GGT7: variants seen among roughly 807,000 people sequenced by gnomAD.
GGT7 encodes the protein glutathione hydrolase 7.
In GGT7, 30 loss-of-function variants were observed where a neutral mutation model predicts 69.2. The observed-to-expected ratio is 0.43, with a 90% confidence interval of 0.32 to 0.59. GGT7 has a LOEUF of 0.59. GGT7 is among the 20% of genes least tolerant of loss of function. The pLI, the probability that GGT7 is intolerant of heterozygous loss-of-function variation, is 0.05. For missense variants in GGT7, 733 were observed against 901.1 expected (o/e 0.81, Z 2.39); for synonymous variants, 388 against 391.8 (o/e 0.99, Z 0.12).
Position 34,863,274 on chromosome 20 carries a change from C to T in GGT7, c.405+39G>A. 1 of 1,417,328 alleles carries T rather than the reference C, an allele frequency of 7.1e-7. No individual in the cohort carries two copies. 87.8% of individuals were successfully genotyped at this position (1,417,328 alleles called of 1,614,324 possible). ...TCCTCAAACATTACCCCACTCCCCA[C>T]TCCCCAGTTTCCTCCCCCTCCCCAT... is the stretch of plus-strand genomic sequence containing the variant. On this transcript the variant is annotated intron_variant, in intron 2 of 14. Transcript: ENST00000336431. This position sits in a 1 kb window ranked among gnomAD's most constrained non-coding sequence, Gnocchi z 4.4.
intron 1 of GGT7, among the ~76,000 whole-genome samples, chr20:34,869,622 T>C (rs975312634): frequency 2.0e-5 from 3 of 152,054 alleles, no homozygotes; most frequent in Non-Finnish European, 2.9e-5. Context: ...TAGTCTACAG[T>C]GGTGATGACA....
At chr20:34,856,670 A>C (rs2079496942) in intron 8 of GGT7, 136 bp downstream of exon 8, 1 of 646,582 alleles carries the variant, frequency 1.5e-6, no homozygotes. Flanking sequence ...TTGCTTCAAC[A>C]GTTGACTGCC....
Position 34,845,441 on chromosome 20 carries a change from C to T in GGT7, c.1876G>A (p.Val626Met), listed in dbSNP as rs200923392. The T allele has an allele frequency of 1.2e-5, 19 of 1,614,110 alleles. No individual in the cohort carries two copies. Among genetic ancestry groups the T allele is most frequent in the African/African-American group, 6.7e-5 (5 of 75,030 alleles). Reference sequence around the variant, plus strand: ...CAGGATAAGACATCTACTTTCTCCACGTGGTGACCCCTGGCTTCCAGGAAC... The same window carrying T: ...CAGGATAAGACATCTACTTTCTCCATGTGGTGACCCCTGGCTTCCAGGAAC... ...IEFLEARGHH[V>M]EKVDVLSWVH... Residue 626 changes from valine (V) to methionine (M), a missense_variant, in exon 15 of 15, where the codon GTG becomes ATG. Transcript: ENST00000336431.
At chr20:34,866,113 T>A (rs2079686139) in intron 1 of GGT7, among the ~76,000 whole-genome samples, 1 of 152,190 alleles carries the variant, frequency 6.6e-6, no homozygotes, top group African/African-American at 2.4e-5. Context: ...CACAGTCCCA[T>A]CTTTTGTGTA....
At chr20:34,854,967 C>G in intron 8 of GGT7, 44 bp from the exon 9 acceptor site, 1 of 1,599,532 alleles carries the variant, frequency 6.3e-7, no homozygotes, top group Non-Finnish European at 8.5e-7. Context: ...GGGGTCAAGG[C>G]ACCTTCACAT....
chr20:34,865,846 T>G (rs922636999), intron 1 of GGT7, among the ~76,000 whole-genome samples: 3 of 152,246 alleles, frequency 2.0e-5, no homozygotes, highest in Non-Finnish European at 4.4e-5. Flanking sequence ...CTAAAGGTCC[T>G]AGGTGTTTGT....
At chr20:34,846,295 C>CCTTT (rs1555872709) in intron 14 of GGT7, among the ~76,000 whole-genome samples, 10 of 96,258 alleles carry the variant, frequency 1.0e-4, no homozygotes, top group African/African-American at 1.8e-4. Flanking sequence ...TCCCTCCCTT[C>CCTTT]CTTTCTTTCT....
At chr20:34,859,089 G>C (rs1349341296) in intron 7 of GGT7, among the ~76,000 whole-genome samples, 1 of 151,800 alleles carries the variant, frequency 6.6e-6, no homozygotes, top group African/African-American at 2.4e-5. Flanking sequence ...AGACTCACTT[G>C]AACCTGGGAG....
chr20:34,854,173 G>A (rs2079447155), intron 10 of GGT7, among the ~76,000 whole-genome samples: 2 of 152,178 alleles, frequency 1.3e-5, no homozygotes, highest in South Asian at 4.1e-4. Context: ...TTGACCTCAG[G>A]TGATCCACCC....
intron 13 of GGT7, chr20:34,851,005 T>A: frequency 3.0e-6 from 2 of 675,098 alleles, no homozygotes; most frequent in Middle Eastern, 6.2e-4. Flanking sequence ...GACCCTGCCA[T>A]TTCCCCTGCA....
intron 14 of GGT7, among the ~76,000 whole-genome samples, chr20:34,847,429 C>T (rs900128487): frequency 6.6e-6 from 1 of 152,210 alleles, no homozygotes; most frequent in African/African-American, 2.4e-5. Context: ...AACTCCACAT[C>T]CTACCGCTTC....
chr20:34,852,359 G>T (rs946760966), intron 11 of GGT7, 30 bp downstream of exon 11: 8 of 1,608,654 alleles, frequency 5.0e-6, no homozygotes, highest in Non-Finnish European at 6.0e-6. Context: ...AGGATCCCTT[G>T]TTCCAGGTTC....
At chr20:34,847,381 T>G (rs1197876026) in intron 14 of GGT7, among the ~76,000 whole-genome samples, 2 of 152,204 alleles carry the variant, frequency 1.3e-5, no homozygotes, top group African/African-American at 4.8e-5. Flanking sequence ...CCTTCCCAAC[T>G]GGATAATCTT....
chr20:34,866,373 A>G (rs906347261), intron 1 of GGT7, among the ~76,000 whole-genome samples: 1 of 152,120 alleles, frequency 6.6e-6, no homozygotes, highest in South Asian at 2.1e-4. Context: ...TTGAGTCTAG[A>G]AGTTCAAAGC....
In GGT7 at chr20:34,862,956, G is replaced by C; in HGVS notation, c.415C>G (p.Gln139Glu). The C allele has an allele frequency of 6.2e-7, 1 of 1,612,762 alleles. No homozygotes were observed. Among genetic ancestry groups the C allele is most frequent in the South Asian group, 1.1e-5 (1 of 90,838 alleles). The change falls in exon 3 of 15, where the codon CAG (glutamine) becomes GAG (glutamate). Residue 139 changes from glutamine to glutamate, a missense_variant. Physicochemically the swap from Gln to Glu is conservative, Grantham distance 29. Coordinates refer to ENST00000336431, the MANE Select transcript of GGT7 (RefSeq NM_178026.3). Reference sequence around the variant, plus strand: ...GCAGCATCGGTCACCACGGCACCCTGCTGGAAGATCTGGGAGGGGAAAGAG... The same window carrying C: ...GCAGCATCGGTCACCACGGCACCCTCCTGGAAGATCTGGGAGGGGAAAGAG... Reference protein sequence around the residue: ...IYFGDPQIFQQGAVVTDAARC... With the variant: ...IYFGDPQIFQEGAVVTDAARC...
chr20:34,860,409 G>C, intron 4 of GGT7, 88 bp from the exon 5 acceptor site: 1 of 1,018,616 alleles, frequency 9.8e-7, no homozygotes, highest in Non-Finnish European at 1.5e-6. Context: ...CCCAAGCCAG[G>C]GATGGCTGGC....
At chr20:34,851,052 A>G in intron 13 of GGT7, 179 bp downstream of exon 13, 1 of 723,564 alleles carries the variant, frequency 1.4e-6, no homozygotes. Context: ...CTCCATTTTC[A>G]CTAAGAAACT....
Position 34,859,977 on chromosome 20 carries a change from T to G in GGT7, c.809A>C (p.His270Pro). 1 of 1,557,598 alleles carries G rather than the reference T, an allele frequency of 6.4e-7. No individual in the cohort carries two copies. The highest frequency in any genetic ancestry group is 8.7e-7 in the Non-Finnish European group (1 of 1,148,056). Residue 270 changes from histidine to proline, a missense_variant, in exon 6 of 15, where the codon CAT (histidine) becomes CCT (proline). Coordinates refer to ENST00000336431, the MANE Select transcript of GGT7 (RefSeq NM_178026.3). ...CCCCAGGCCCCACTGACCTAGATCA[T>G]GAGTCACGTTGAAGCCATCTTGGGC... ...AVAQDGFNVT[H>P]DLARALAEQL...
rs183052673 is a variant in GGT7 at position 34,863,162 on chromosome 20, T to C, written c.405+151A>G. 374 of 768,766 alleles carry C rather than the reference T, an allele frequency of 4.9e-4. No homozygotes were observed. Among genetic ancestry groups the C allele is most frequent in the Admixed American group, 7.2e-4 (28 of 39,020 alleles). The allele number at this position is 768,766 out of a possible 1,614,324, so 47.6% of individuals were successfully genotyped here. On this transcript the variant is annotated intron_variant, in intron 2 of 14. Coordinates refer to ENST00000336431, the MANE Select transcript of GGT7 (RefSeq NM_178026.3). The surrounding 1 kb of genome is among the most constrained non-coding windows in gnomAD (Gnocchi z 4.4). ...TCCTTGTTCTGTCTCCCTCATGCCCTGGAGCTCCTCTCTTTGGGACCTTCC... is the reference window on the plus strand; with the variant it reads ...TCCTTGTTCTGTCTCCCTCATGCCCCGGAGCTCCTCTCTTTGGGACCTTCC...
Sources: allele counts gnomAD v4.1 joint callset (sites outside exome capture counted in the v4.1 genomes callset), GRCh38; gene constraint gnomAD v4.1.1; non-coding constraint Gnocchi (gnomAD v3.1); transcripts MANE v1.5; gene names NCBI Gene and HGNC (gene_info 2026-07-23, HGNC 2026-07-21).